Variants in XPO6 observed in about 807,000 individuals in gnomAD.
XPO6 encodes exportin-6.
A neutral mutation model predicts 130.0 loss-of-function variants in XPO6; 3 were observed. The observed-to-expected ratio is 0.02, with a 90% CI of 0.01 to 0.06. XPO6 has a LOEUF of 0.06. Among genes scored for constraint, XPO6 ranks in the 10% least tolerant of loss-of-function variants. The pLI, the probability that XPO6 is intolerant of heterozygous loss-of-function variation, is 1.00. For synonymous variants in XPO6, 524 were observed against 548.9 expected, an observed-to-expected ratio of 0.95 and a Z score of 0.63; for missense variants, 970 against 1,393.0, an observed-to-expected ratio of 0.70 and a Z score of 4.83.
At chr16:28,146,796 G>A (rs1394190807) in intron 8 of XPO6, among the ~76,000 whole-genome samples, 1 of 152,200 alleles carries the variant, frequency 6.6e-6, no homozygotes, top group Non-Finnish European at 1.5e-5. Context: ...GGTGTCAAAC[G>A]TGCTAATAGC....
chr16:28,138,682 C>T (rs886419481), intron 9 of XPO6, among the ~76,000 whole-genome samples: 3 of 152,074 alleles, frequency 2.0e-5, no homozygotes, highest in Non-Finnish European at 2.9e-5. Flanking sequence ...AAGATGGGGG[C>T]GGTCAACGAG....
At chr16:28,159,549 A>G (rs528653505) in intron 6 of XPO6, among the ~76,000 whole-genome samples, 1 of 152,330 alleles carries the variant, frequency 6.6e-6, no homozygotes, top group East Asian at 1.9e-4. Context: ...CCACACAGAT[A>G]AAGAGATAAA....
At chr16:28,173,388 C>T (rs1397189903) in intron 4 of XPO6, among the ~76,000 whole-genome samples, 1 of 152,158 alleles carries the variant, frequency 6.6e-6, no homozygotes, top group East Asian at 1.9e-4. Context: ...TTAGTCCAAC[C>T]CTCTCATTTT....
intron 12 of XPO6, among the ~76,000 whole-genome samples, chr16:28,127,609 C>T (rs2042586205): frequency 1.3e-5 from 2 of 152,072 alleles, no homozygotes; most frequent in South Asian, 2.1e-4. Context: ...ATGGGTGGCA[C>T]CTGCAGAAAG....
At chr16:28,135,181 C>A (rs1274353051) in intron 10 of XPO6, 35 bp downstream of exon 10, 2 of 1,565,130 alleles carry the variant, frequency 1.3e-6, no homozygotes, top group Non-Finnish European at 1.8e-6. Context: ...CACAACATGA[C>A]AGCGACAAAA....
chr16:28,194,271 G>C (rs996155097), intron 1 of XPO6, among the ~76,000 whole-genome samples: 1 of 151,886 alleles, frequency 6.6e-6, no homozygotes, highest in Non-Finnish European at 1.5e-5. Context: ...TAAAAAATTA[G>C]CTAAATGCTC....
chr16:28,132,220 T>G lies in XPO6; in HGVS notation c.1606+114A>C. On this transcript the variant is annotated intron_variant, in intron 12 of 23. Coordinates refer to ENST00000304658, the MANE Select transcript of XPO6 (RefSeq NM_015171.4). This position sits in a 1 kb window ranked among gnomAD's most constrained non-coding sequence, Gnocchi z 4.0. Reference sequence around the variant, plus strand: ...GTTTCGAAGTGGGGAGAGATGCCAGTGGGGAGGCTGCAGTGAAGAAATCAT... The same window carrying G: ...GTTTCGAAGTGGGGAGAGATGCCAGGGGGGAGGCTGCAGTGAAGAAATCAT... 1 of 784,364 alleles carries G rather than the reference T, an allele frequency of 1.3e-6. No individual in the cohort carries two copies. 48.6% of individuals were successfully genotyped at this position (784,364 alleles called of 1,614,324 possible). A position where few individuals can be genotyped will look rare whatever the true frequency, so the allele number is the denominator to read the frequency against.
Position 28,098,589 on chromosome 16 carries a change from G to A in XPO6, c.3327C>T (p.Arg1109=), listed in dbSNP as rs1319514979. The change falls in exon 24 of 24, where the codon CGC becomes CGT. Residue 1109 remains arginine (R), a synonymous_variant. Coordinates refer to ENST00000304658, the MANE Select transcript of XPO6 (RefSeq NM_015171.4). The stretch of plus-strand genomic sequence containing the variant: ...GGCTGTCGTTGCAGAGTCTGTAGTA[G>A]CGCAGGTCGTTGACCAGCCTGTGCA... ...QNVHRLVNDL[R]YYRLCNDSLP... is the part of the protein sequence containing the mutation. 2.5e-6 allele frequency: 4 copies of A among 1,613,082 alleles called. No individual in the cohort carries two copies. Among genetic ancestry groups the A allele is most frequent in the Non-Finnish European group, 3.4e-6 (4 of 1,179,412 alleles).
At chr16:28,165,491 C>T (rs2141843352) in intron 6 of XPO6, 1 of 152,278 alleles carries the variant, frequency 6.6e-6, no homozygotes, top group Non-Finnish European at 1.5e-5. Flanking sequence ...AGCAGTATGA[C>T]AAATGGCTCT....
chr16:28,112,109 C>G, intron 16 of XPO6, 103 bp from the exon 17 acceptor site: 1 of 1,368,638 alleles, frequency 7.3e-7, no homozygotes, highest in Non-Finnish European at 9.8e-7. Context: ...CACCTGGAAC[C>G]CTAGCCCCCA....
chr16:28,140,615 T>C (rs1215503783), intron 9 of XPO6, among the ~76,000 whole-genome samples: 1 of 151,090 alleles, frequency 6.6e-6, no homozygotes, highest in Non-Finnish European at 1.5e-5. Context: ...GAAGCAGAGG[T>C]TGCAGTGAGC....
rs141124388 is a variant in XPO6 at position 28,144,028 on chromosome 16, A to G, written c.1334+2066T>C. ...GAGATATGAAGGAATATCTACCACT[A>G]AATATAGAAAAATGAGGCATAGTCC... On this transcript the variant is annotated intron_variant, in intron 9 of 23. Transcript: ENST00000304658. 2.2e-3 allele frequency among the ~76,000 whole-genome samples: 329 copies of G among 152,354 alleles called. 2 individuals are homozygous for G. Among genetic ancestry groups the G allele is most frequent in the African/African-American group, 7.4e-3 (307 of 41,584 alleles).
intron 9 of XPO6, among the ~76,000 whole-genome samples, chr16:28,139,574 ACTGT>A (rs1216189547): frequency 6.6e-6 from 1 of 152,190 alleles, no homozygotes; most frequent in African/African-American, 2.4e-5. Flanking sequence ...AAATTAGAAC[ACTGT>A]CTGGTGGGGT....
At chr16:28,138,867 A>G (rs1458837174) in intron 9 of XPO6, among the ~76,000 whole-genome samples, 1 of 152,226 alleles carries the variant, frequency 6.6e-6, no homozygotes, top group Non-Finnish European at 1.5e-5. Flanking sequence ...GGTAGAACAA[A>G]TAAGTAAGAG....
chr16:28,108,830 C>A (rs767076707), intron 17 of XPO6, among the ~76,000 whole-genome samples: 19 of 152,254 alleles, frequency 1.2e-4, no homozygotes, highest in Non-Finnish European at 1.9e-4. Flanking sequence ...GGAGGCAGGC[C>A]TGGCCCTGCT....
chr16:28,156,335 C>T lies in XPO6; in HGVS notation c.836G>A (p.Arg279Gln), dbSNP rs746452823. ...TCTGGCCCGGATGTCACAGCCAAAT[C>T]GTGCAAAGTGGAAGATGGTGGTAAG... ...SLLTTIFHFA[R>Q]FGCDIRARKM... The change falls in exon 7 of 24, where the codon CGA (arginine) becomes CAA (glutamine). Residue 279 changes from arginine (R) to glutamine (Q), a missense_variant. Coordinates refer to ENST00000304658, the MANE Select transcript of XPO6 (RefSeq NM_015171.4). 1.9e-6 allele frequency: 3 copies of T among 1,613,828 alleles called. No homozygotes were observed. The highest frequency in any genetic ancestry group is 1.1e-5 in the South Asian group (1 of 91,058).
At chr16:28,113,995 T>A (rs1262292367) in intron 15 of XPO6, among the ~76,000 whole-genome samples, 1 of 152,022 alleles carries the variant, frequency 6.6e-6, no homozygotes, top group African/African-American at 2.4e-5. Context: ...TACAAAAAAA[T>A]TCAAAGAATA....
chr16:28,120,080 AG>A (rs2087191740), intron 14 of XPO6, among the ~76,000 whole-genome samples: 1 of 152,300 alleles, frequency 6.6e-6, no homozygotes, highest in East Asian at 1.9e-4. Context: ...CCTGACCTCA[AG>A]TGATCCGCCT....
chr16:28,121,623 G>A, intron 14 of XPO6, 47 bp downstream of exon 14: 1 of 1,353,298 alleles, frequency 7.4e-7, no homozygotes, highest in South Asian at 1.2e-5. Context: ...GGAGATTGGG[G>A]GCAAGGTCTT....
Sources: allele counts gnomAD v4.1 joint callset (sites outside exome capture counted in the v4.1 genomes callset), GRCh38; gene constraint gnomAD v4.1.1; non-coding constraint Gnocchi (gnomAD v3.1); transcripts MANE v1.5; gene names NCBI Gene and HGNC (gene_info 2026-07-23, HGNC 2026-07-21).